Variants in TSPAN14 observed in about 807,000 individuals in gnomAD.
The protein encoded by TSPAN14 is tetraspanin 14, also known as tetraspanin-14.
TSPAN14 carries 16 observed loss-of-function variants against 36.6 expected under a neutral mutation model. That is an observed-to-expected ratio of 0.44 (90% CI 0.30 to 0.66). TSPAN14 has a LOEUF of 0.66. Among genes scored for constraint, TSPAN14 ranks in the 30% least tolerant of loss-of-function variants. The pLI, the probability that TSPAN14 is intolerant of heterozygous loss-of-function variation, is 0.12. For synonymous variants in TSPAN14, 139 were observed against 143.8 expected, an observed-to-expected ratio of 0.97 and a Z score of 0.24; for missense variants, 231 against 355.1, an observed-to-expected ratio of 0.65 and a Z score of 2.81.
chr10:80,475,742 A>G (rs553428494), intron 1 of TSPAN14, among the ~76,000 whole-genome samples: 1 of 152,278 alleles, frequency 6.6e-6, no homozygotes, highest in Admixed American at 6.5e-5. Flanking sequence ...GCCTGCCACC[A>G]CACCCAGCTA....
exon 9 of TSPAN14, chr10:80,520,438 C>T: frequency 2.4e-6 from 1 of 422,710 alleles, no homozygotes; most frequent in East Asian, 5.8e-5. Context: ...GGGCAGGCCT[C>T]CTGTGCACTC....
chr10:80,465,629 G>T lies in TSPAN14; in HGVS notation c.-18+11258G>T, dbSNP rs961663161. ...AGAAAGATAGTGACACCTACAGTGGGAACAGAGAGAGGTCTCACCTGTTTT... is the reference window on the plus strand; with the variant it reads ...AGAAAGATAGTGACACCTACAGTGGTAACAGAGAGAGGTCTCACCTGTTTT... On this transcript the variant is annotated intron_variant, in intron 1 of 8. Transcript: ENST00000429989. 2.0e-5 allele frequency among the ~76,000 whole-genome samples: 3 copies of T among 152,190 alleles called. No homozygotes were observed. In the East Asian group the frequency reaches 5.8e-4, roughly 29 times the overall value.
chr10:80,505,427 G>A (rs533229618), intron 3 of TSPAN14, among the ~76,000 whole-genome samples: 22 of 152,328 alleles, frequency 1.4e-4, no homozygotes, highest in South Asian at 1.2e-3. Context: ...AAAAAGGCCA[G>A]GGAGGGAAGA....
exon 8 of TSPAN14, chr10:80,516,313 C>G: frequency 1.9e-6 from 3 of 1,614,250 alleles, no homozygotes; most frequent in Non-Finnish European, 2.5e-6. Context: ...ATCGCCATCT[C>G]GCTGTTGCAG....
At chr10:80,508,308 CG>C (rs1187772515) in intron 4 of TSPAN14, among the ~76,000 whole-genome samples, 2 of 151,956 alleles carry the variant, frequency 1.3e-5, no homozygotes, top group African/African-American at 4.8e-5. Context: ...TTAGTAGAGA[CG>C]GGGTTTCACC....
chr10:80,458,156 C>G (rs144212691), intron 1 of TSPAN14, among the ~76,000 whole-genome samples: 255 of 152,314 alleles, frequency 1.7e-3, no homozygotes, highest in Non-Finnish European at 2.2e-3. Context: ...GTAGCGATAC[C>G]CAGGCAGGCC....
intron 2 of TSPAN14, among the ~76,000 whole-genome samples, chr10:80,503,791 G>GGTAGTCATAGAGAAGC (rs1215329071): frequency 6.6e-6 from 1 of 152,116 alleles, no homozygotes; most frequent in Non-Finnish European, 1.5e-5. Flanking sequence ...TGAGATCACC[G>GGTAGTCATAGAGAAGC]GTAGTCATAG....
chr10:80,517,981 C>T (rs1841033256), exon 9 of TSPAN14: 11 of 1,556,792 alleles, frequency 7.1e-6, no homozygotes, highest in Non-Finnish European at 9.6e-6. Flanking sequence ...TTCTGAGGAG[C>T]AGAGTTGAGG....
At chr10:80,460,211 C>G (rs1392203684) in intron 1 of TSPAN14, among the ~76,000 whole-genome samples, 9 of 152,012 alleles carry the variant, frequency 5.9e-5, no homozygotes, top group Admixed American at 5.9e-4. Flanking sequence ...TGTGGGGGCT[C>G]CTGAAAATTT....
At chr10:80,512,245 C>A (rs1178004092) in exon 6 of TSPAN14, 1 of 1,613,988 alleles carries the variant, frequency 6.2e-7, no homozygotes, top group African/African-American at 1.3e-5. Context: ...GGGTCCCCTT[C>A]TCCTGCTGCG....
At chr10:80,458,447 A>G (rs1330885655) in intron 1 of TSPAN14, among the ~76,000 whole-genome samples, 2 of 152,174 alleles carry the variant, frequency 1.3e-5, no homozygotes, top group African/African-American at 4.8e-5. Context: ...GCCAGCAGAC[A>G]CTGTTGGAGG....
intron 1 of TSPAN14, among the ~76,000 whole-genome samples, chr10:80,462,347 A>AATGGGGTGGGATGGGATGGG (rs778995915): frequency 8.7e-6 from 1 of 115,358 alleles, no homozygotes; most frequent in Non-Finnish European, 1.6e-5. Context: ...AGGGCGTAGG[A>AATGGGGTGGGATGGGATGGG]ATGGGGTGGG....
chr10:80,521,534 G>C (rs1841264868), exon 9 of TSPAN14: 1 of 152,204 alleles, frequency 6.6e-6, no homozygotes, highest in African/African-American at 2.4e-5. Flanking sequence ...ATGGATCTTG[G>C]TAGAGACACT....
chr10:80,459,801 G>A (rs367901716), intron 1 of TSPAN14, among the ~76,000 whole-genome samples: 1 of 152,200 alleles, frequency 6.6e-6, no homozygotes, highest in Non-Finnish European at 1.5e-5. Flanking sequence ...CCCGAGGTCT[G>A]AGTGGTGATC....
chr10:80,460,881 T>C (rs1845931891), intron 1 of TSPAN14, among the ~76,000 whole-genome samples: 1 of 152,194 alleles, frequency 6.6e-6, no homozygotes, highest in South Asian at 2.1e-4. Context: ...CTGACAACTT[T>C]GTGGTTCTCG....
chr10:80,491,731 G>A (rs1847933357), intron 2 of TSPAN14, among the ~76,000 whole-genome samples: 1 of 152,122 alleles, frequency 6.6e-6, no homozygotes, highest in Admixed American at 6.5e-5. Context: ...AGTGTTTTTG[G>A]GCTTTTGCAG....
exon 9 of TSPAN14, chr10:80,521,074 C>T (rs1841245255): frequency 6.4e-6 from 2 of 314,090 alleles, no homozygotes; most frequent in Non-Finnish European, 1.2e-5. Context: ...GATGCACAAC[C>T]TTCCTGGAAC....
At chr10:80,501,588 G>T (rs903898168) in intron 2 of TSPAN14, among the ~76,000 whole-genome samples, 1 of 152,238 alleles carries the variant, frequency 6.6e-6, no homozygotes, top group Non-Finnish European at 1.5e-5. Context: ...GGCCCCACAG[G>T]ATGAGCGGAC....
intron 1 of TSPAN14, chr10:80,485,829 G>A: frequency 2.5e-6 from 1 of 401,510 alleles, no homozygotes; most frequent in Non-Finnish European, 3.4e-6. Context: ...TGTGGGTTGA[G>A]GATGGGGGAA....
Sources: allele counts gnomAD v4.1 joint callset (sites outside exome capture counted in the v4.1 genomes callset), GRCh38; gene constraint gnomAD v4.1.1; transcripts MANE v1.5; gene names NCBI Gene and HGNC (gene_info 2026-07-23, HGNC 2026-07-21).